The following DTX4 variants were observed in gnomAD, a reference collection of about 807,000 sequenced individuals.
DTX4 encodes the protein deltex E3 ubiquitin ligase 4, also known as E3 ubiquitin-protein ligase DTX4.
DTX4 carries 28 observed loss-of-function variants against 57.6 expected under a neutral mutation model. The observed-to-expected ratio is 0.49, with a 90% CI of 0.36 to 0.67. The LOEUF (loss-of-function observed/expected upper bound fraction) is 0.67, where lower values mean the gene tolerates loss of function less well. Ranked by LOEUF, DTX4 falls within the 30% of genes least tolerant of loss-of-function variation. The pLI is 0.00. For synonymous variants in DTX4, 316 were observed against 331.0 expected, an observed-to-expected ratio of 0.95 and a Z score of 0.49; for missense variants, 715 against 836.8, an observed-to-expected ratio of 0.85 and a Z score of 1.80.
chr11:59,189,405 A>G, intron 4 of DTX4, 82 bp downstream of exon 4: 3 of 1,375,950 alleles, frequency 2.2e-6, no homozygotes, highest in Non-Finnish European at 2.9e-6. Flanking sequence ...TCCAAGGGTC[A>G]TAGCCACGGC....
At position 59,199,690 on chromosome 11, in the gene DTX4, G is replaced by T; in HGVS notation, c.1543G>T (p.Glu515Ter). The change falls in exon 8 of 9, where the codon GAA becomes TAA. Residue 515 changes from glutamate to a stop codon, truncating the protein, a stop_gained. Transcript: ENST00000227451. LOFTEE classifies it high-confidence loss of function. ...YSIPPGIQGP[E>*]HPNPGKSFSA... is the part of the protein sequence containing the mutation. ...GCTTGCTTTCTGCTTTCAGGGACCG[G>T]AACACCCGAATCCTGGGAAGAGTTT... 6.4e-7 allele frequency: 1 copy of T among 1,574,270 alleles called. No individual in the cohort carries two copies. The highest frequency in any genetic ancestry group is 8.6e-7 in the Non-Finnish European group (1 of 1,159,556).
chr11:59,173,441 G>A (rs73476942), intron 1 of DTX4, among the ~76,000 whole-genome samples: 1 of 152,328 alleles, frequency 6.6e-6, no homozygotes, highest in African/African-American at 2.4e-5. Context: ...TGGACGCCGC[G>A]GCATTGGCGA....
At chr11:59,197,530 C>A (rs1862687684) in intron 7 of DTX4, among the ~76,000 whole-genome samples, 1 of 152,018 alleles carries the variant, frequency 6.6e-6, no homozygotes, top group Non-Finnish European at 1.5e-5. Context: ...GGATTTTAAT[C>A]ATCAGTTATT....
rs1862396051 is a variant in DTX4, at chr11:59,176,394, GT to G, written c.211+3591del. On this transcript the variant is annotated intron_variant, in intron 1 of 8. Transcript: ENST00000227451. ...TTGAAAGTGATTAAGTTGCTCAAGG[GT>G]TTACAGCTAGTCAATGGCAGGGCCG... Among the ~76,000 whole-genome samples, 3 of 152,338 alleles carry G rather than the reference GT, an allele frequency of 2.0e-5. No individual in the cohort carries two copies. The South Asian group carries it at 6.2e-4, about 32-fold the overall frequency.
chr11:59,191,485 C>T (rs1405444942), intron 5 of DTX4, among the ~76,000 whole-genome samples: 2 of 152,198 alleles, frequency 1.3e-5, no homozygotes, highest in Admixed American at 1.3e-4. Context: ...TGATACAGAA[C>T]AGTGGTTCTC....
intron 2 of DTX4, among the ~76,000 whole-genome samples, 174 bp from the exon 3 acceptor site, chr11:59,188,561 A>G (rs1341232536): frequency 1.3e-5 from 2 of 152,212 alleles, no homozygotes; most frequent in Non-Finnish European, 2.9e-5. Context: ...GAACTGAGGA[A>G]CATAGTTCTG....
chr11:59,178,019 T>G (rs754578391), intron 1 of DTX4, among the ~76,000 whole-genome samples: 20 of 152,208 alleles, frequency 1.3e-4, no homozygotes, highest in Non-Finnish European at 2.8e-4. Context: ...AACTGCACAT[T>G]GAGATGAATG....
chr11:59,175,964 A>G (rs1175073533), intron 1 of DTX4, among the ~76,000 whole-genome samples: 4 of 149,164 alleles, frequency 2.7e-5, no homozygotes, highest in East Asian at 2.0e-4. Context: ...CTTTCCTCCC[A>G]TCATGCAGAT....
chr11:59,188,080 CTTCT>C (rs1862549322), intron 2 of DTX4, among the ~76,000 whole-genome samples: 1 of 152,170 alleles, frequency 6.6e-6, no homozygotes, highest in Non-Finnish European at 1.5e-5. Flanking sequence ...TTTGAACTTG[CTTCT>C]TTGTTTTTTC....
Position 59,182,033 on chromosome 11 carries a change from C to A in DTX4, c.506C>A (p.Pro169His). 1 of 1,613,482 alleles carries A rather than the reference C, an allele frequency of 6.2e-7. No homozygotes were observed. Among genetic ancestry groups the A allele is most frequent in the Non-Finnish European group, 8.5e-7 (1 of 1,179,636 alleles). The change falls in exon 2 of 9, where the codon CCT (proline) becomes CAT (histidine). Residue 169 changes from proline (P) to histidine (H), a missense_variant. Physicochemically the swap from Pro to His is moderately conservative, Grantham distance 77 (BLOSUM62 -2). Transcript: ENST00000227451. ...LIYPMVTGTL[P>H]KAQSWPVSPG... ...TACCCCATGGTCACAGGGACCTTGC[C>A]TAAGGCTCAGTCCTGGCCAGTCAGC...
At position 59,180,829 on chromosome 11, in the gene DTX4, G is replaced by A. The variant is rs112822547; in HGVS notation, c.212-910G>A. 6.7e-3 allele frequency among the ~76,000 whole-genome samples: 1,025 copies of A among 152,166 alleles called. 12 individuals are homozygous for A. The highest frequency in any genetic ancestry group is 0.026 in the South Asian group (124 of 4,818). The stretch of plus-strand genomic sequence containing the variant: ...CCTGTAATAACCCTGACCTCTTCCC[G>A]GCCCCAAAGTGAGACTCTGAAAATT... On this transcript the variant is annotated intron_variant, in intron 1 of 8. Transcript: ENST00000227451.
chr11:59,172,516 C>CGGCGCAGGAGGAAGCGGA lies in DTX4; in HGVS notation c.-77_-60dup. 1.0e-6 allele frequency: 1 copy of CGGCGCAGGAGGAAGCGGA among 976,248 alleles called. No individual in the cohort carries two copies. Among genetic ancestry groups the CGGCGCAGGAGGAAGCGGA allele is most frequent in the Non-Finnish European group, 1.3e-6 (1 of 763,572 alleles). 60.5% of individuals were successfully genotyped at this position (976,248 alleles called of 1,614,324 possible). On this transcript the variant is annotated 5_prime_UTR_variant, in exon 1 of 9. Transcript: ENST00000227451. ...GGGCGCGGTCGAGGCCCGGAGGCGG[C>CGGCGCAGGAGGAAGCGGA]GGCGCAGGAGGAAGCGGAGGAGGTC...
chr11:59,176,097 G>A (rs1384520176), intron 1 of DTX4, among the ~76,000 whole-genome samples: 1 of 152,108 alleles, frequency 6.6e-6, no homozygotes, highest in Non-Finnish European at 1.5e-5. Flanking sequence ...TTTTAAAGTG[G>A]TGAGAAGTGT....
At chr11:59,183,768 AC>A (rs1862494708) in intron 2 of DTX4, among the ~76,000 whole-genome samples, 2 of 152,112 alleles carry the variant, frequency 1.3e-5, no homozygotes, top group Admixed American at 1.3e-4. Context: ...CCCTACTCCT[AC>A]CTCTGTCACT....
intron 8 of DTX4, among the ~76,000 whole-genome samples, chr11:59,202,383 A>G (rs1282420837): frequency 6.6e-5 from 10 of 152,266 alleles, no homozygotes; most frequent in Non-Finnish European, 1.3e-4. Context: ...AATCTGTAAA[A>G]TAGTGGTGAT....
chr11:59,191,297 C>T, intron 5 of DTX4, 122 bp downstream of exon 5: 3 of 945,584 alleles, frequency 3.2e-6, no homozygotes, highest in South Asian at 3.3e-5. Context: ...GGATACAGAA[C>T]TGGTCAGAAC....
chr11:59,178,151 G>C (rs184042855), intron 1 of DTX4, among the ~76,000 whole-genome samples: 1 of 152,292 alleles, frequency 6.6e-6, no homozygotes, highest in Non-Finnish European at 1.5e-5. Context: ...GAGTTTTGGG[G>C]AGGAACCAGC....
At chr11:59,196,764 A>G (rs1310770001) in intron 7 of DTX4, among the ~76,000 whole-genome samples, 2 of 152,046 alleles carry the variant, frequency 1.3e-5, no homozygotes, top group African/African-American at 4.8e-5. Flanking sequence ...ATGCCTGATG[A>G]TCTGTCACTG....
intron 4 of DTX4, among the ~76,000 whole-genome samples, 153 bp downstream of exon 4, chr11:59,189,476 A>T (rs1862570155): frequency 1.3e-5 from 2 of 152,226 alleles, no homozygotes; most frequent in East Asian, 3.8e-4. Flanking sequence ...AATCTTGACG[A>T]TTATACCACA....
Sources: allele counts gnomAD v4.1 joint callset (sites outside exome capture counted in the v4.1 genomes callset), GRCh38; gene constraint gnomAD v4.1.1; transcripts MANE v1.5; gene names NCBI Gene and HGNC (gene_info 2026-07-23, HGNC 2026-07-21).